The following LRRC63 variants were observed in gnomAD, a reference collection of about 807,000 sequenced individuals.
LRRC63 encodes leucine rich repeat containing 63.
LRRC63 carries 40 observed loss-of-function variants against 49.5 expected under a neutral mutation model. The observed-to-expected ratio is 0.81, with a 90% CI of 0.63 to 1.05. The LOEUF (loss-of-function observed/expected upper bound fraction) is 1.05. Ranked by LOEUF, LRRC63 falls within the 50% of genes least tolerant of loss-of-function variation. The pLI is 0.00. For synonymous variants in LRRC63, 191 were observed against 221.1 expected (o/e 0.86, Z 1.21); for missense variants, 636 against 663.1 (o/e 0.96, Z 0.45).
chr13:46,276,556 A>G, intron 9 of LRRC63, 34 bp from the exon 10 acceptor site: 1 of 1,081,166 alleles, frequency 9.2e-7, no homozygotes, highest in Non-Finnish European at 1.2e-6. Flanking sequence ...GTAAAAATTT[A>G]TTAAATATTG....
chr13:46,259,259 G>GT (rs200710233), intron 7 of LRRC63, among the ~76,000 whole-genome samples: 22 of 137,436 alleles, frequency 1.6e-4, no homozygotes, highest in East Asian at 6.3e-4. Flanking sequence ...AAATCCAAAT[G>GT]TTTTTTTTTC....
chr13:46,224,845 G>T (rs1265930061), intron 2 of LRRC63, among the ~76,000 whole-genome samples: 2 of 152,204 alleles, frequency 1.3e-5, no homozygotes, highest in African/African-American at 4.8e-5. Context: ...TAGCATTAAT[G>T]CTTTCAGTGA....
At chr13:46,267,096 T>C (rs2047694124) in intron 9 of LRRC63, 124 bp downstream of exon 9, 1 of 894,230 alleles carries the variant, frequency 1.1e-6, no homozygotes, top group African/African-American at 1.7e-5. Flanking sequence ...CACAAAACCA[T>C]ACACACAATT....
At chr13:46,235,014 ATAT>A (rs2138441673) in intron 5 of LRRC63, among the ~76,000 whole-genome samples, 1 of 152,318 alleles carries the variant, frequency 6.6e-6, no homozygotes, top group East Asian at 1.9e-4. Context: ...CATTAAAATA[ATAT>A]TCACATATAC....
At chr13:46,234,124 C>T in intron 4 of LRRC63, 68 bp from the exon 5 acceptor site, 1 of 1,365,582 alleles carries the variant, frequency 7.3e-7, no homozygotes, top group Non-Finnish European at 1.0e-6. Flanking sequence ...AAGATAAATA[C>T]CTCTTAACTT....
chr13:46,213,206 A>T, intron 2 of LRRC63, 87 bp downstream of exon 2: 2 of 792,980 alleles, frequency 2.5e-6, no homozygotes, highest in South Asian at 3.8e-5. Context: ...ATCACAATAA[A>T]TACACTCACT....
chr13:46,273,811 C>T (rs1566516943), intron 9 of LRRC63, among the ~76,000 whole-genome samples: 1 of 150,694 alleles, frequency 6.6e-6, no homozygotes, highest in Non-Finnish European at 1.5e-5. Flanking sequence ...ACTTGGGAGG[C>T]TGAGACAGGA....
At chr13:46,269,502 A>G (rs1033533269) in intron 9 of LRRC63, among the ~76,000 whole-genome samples, 4 of 150,782 alleles carry the variant, frequency 2.7e-5, no homozygotes, top group Non-Finnish European at 5.9e-5. Context: ...AGCTATATAT[A>G]TGTCACCATC....
intron 5 of LRRC63, among the ~76,000 whole-genome samples, 173 bp downstream of exon 5, chr13:46,234,522 T>C (rs187570159): frequency 1.3e-4 from 20 of 152,310 alleles, no homozygotes; most frequent in African/African-American, 4.6e-4. Flanking sequence ...CTAGTTTGCC[T>C]TCAGTTTAAA....
At chr13:46,276,837 T>TAA (rs2047846255) in exon 10 of LRRC63, 1 of 153,044 alleles carries the variant, frequency 6.5e-6, no homozygotes. Context: ...TGTATATATA[T>TAA]ATATATATAT....
intron 9 of LRRC63, 110 bp downstream of exon 9, chr13:46,267,082 C>G (rs2138584393): frequency 9.8e-7 from 1 of 1,024,292 alleles, no homozygotes; most frequent in African/African-American, 1.6e-5. Context: ...TACTCCATGA[C>G]ACACACAAAA....
At chr13:46,261,339 A>T (rs189725255) in intron 7 of LRRC63, among the ~76,000 whole-genome samples, 21 of 152,324 alleles carry the variant, frequency 1.4e-4, no homozygotes, top group Admixed American at 1.2e-3. Flanking sequence ...TACTTATACT[A>T]ACTTGGATAA....
intron 5 of LRRC63, among the ~76,000 whole-genome samples, chr13:46,244,005 C>CA (rs535040579): frequency 2.7e-5 from 4 of 150,102 alleles, no homozygotes; most frequent in African/African-American, 7.3e-5. Context: ...CTGAGGAGTA[C>CA]AAAAAAAAAT....
chr13:46,220,210 G>A (rs1338200573), intron 2 of LRRC63, among the ~76,000 whole-genome samples: 1 of 152,030 alleles, frequency 6.6e-6, no homozygotes, highest in East Asian at 1.9e-4. Context: ...ACCCATGGCC[G>A]CCTCTTCCCC....
chr13:46,250,585 G>A, intron 7 of LRRC63, 94 bp downstream of exon 7: 3 of 1,060,768 alleles, frequency 2.8e-6, no homozygotes, highest in East Asian at 2.6e-5. Context: ...GCAGCTTTTT[G>A]GCTATTTAGT....
chr13:46,220,119 C>T (rs2046362406), intron 2 of LRRC63, among the ~76,000 whole-genome samples: 1 of 152,220 alleles, frequency 6.6e-6, no homozygotes, highest in Non-Finnish European at 1.5e-5. Context: ...TCCCCCTTAG[C>T]AGAGCTCAAG....
chr13:46,263,772 T>G (rs1166550000), intron 8 of LRRC63, among the ~76,000 whole-genome samples: 2 of 152,228 alleles, frequency 1.3e-5, no homozygotes, highest in East Asian at 1.9e-4. Context: ...TAAAGAATGT[T>G]TATTTAGCAC....
intron 2 of LRRC63, among the ~76,000 whole-genome samples, chr13:46,225,787 A>G (rs1248682894): frequency 6.6e-6 from 1 of 151,976 alleles, no homozygotes; most frequent in Non-Finnish European, 1.5e-5. Flanking sequence ...AGTTTTGTCA[A>G]TTAGCTCTAT....
intron 7 of LRRC63, among the ~76,000 whole-genome samples, chr13:46,256,671 A>T (rs1352609655): frequency 6.6e-6 from 1 of 152,160 alleles, no homozygotes; most frequent in Non-Finnish European, 1.5e-5. Context: ...TAGATCCACA[A>T]ATGGAGAAAA....
Sources: gnomAD v4.1 joint callset for allele counts (sites outside exome capture counted in the v4.1 genomes callset) on GRCh38, gnomAD v4.1.1 for gene constraint, MANE v1.5 for transcripts, NCBI Gene and HGNC (gene_info 2026-07-23, HGNC 2026-07-21) for gene names.